RBFOX1: variants seen among roughly 807,000 people sequenced by gnomAD.
The protein encoded by RBFOX1 is RNA binding protein fox-1 homolog 1.
A neutral mutation model predicts 57.7 loss-of-function variants in RBFOX1; 8 were observed. That is an observed-to-expected ratio of 0.14 (90% CI 0.08 to 0.25). The LOEUF (loss-of-function observed/expected upper bound fraction) is 0.25. Among genes scored for constraint, RBFOX1 ranks in the 10% least tolerant of loss-of-function variants. RBFOX1 has a pLI of 1.00. For synonymous variants in RBFOX1, 326 were observed against 222.4 expected (o/e 1.47, Z -4.15); for missense variants, 611 against 548.5 (o/e 1.11, Z -1.14).
chr16:6,058,114 T>C (rs536528971), intron 1 of RBFOX1, among the ~76,000 whole-genome samples: 8 of 152,184 alleles, frequency 5.3e-5, no homozygotes, highest in African/African-American at 1.7e-4. Flanking sequence ...TTATTTGAAG[T>C]AGAGTTTTTG....
chr16:6,953,502 C>T (rs1468866818), intron 3 of RBFOX1, among the ~76,000 whole-genome samples: 1 of 152,110 alleles, frequency 6.6e-6, no homozygotes, highest in Non-Finnish European at 1.5e-5. Flanking sequence ...TCTTCTGCTT[C>T]AGCCTCCCGA....
chr16:6,886,723 C>G (rs28438042), intron 3 of RBFOX1, among the ~76,000 whole-genome samples: 6,070 of 151,086 alleles, frequency 0.04, 267 homozygotes, highest in East Asian at 0.2. Context: ...CCACCGCACT[C>G]CAGCGTGGGC....
intron 2 of RBFOX1, among the ~76,000 whole-genome samples, chr16:6,444,875 A>C (rs550652167): frequency 9.2e-5 from 14 of 152,134 alleles, no homozygotes; most frequent in African/African-American, 2.9e-4. Flanking sequence ...AGTCACACAC[A>C]GGTTTGAAGC....
intron 4 of RBFOX1, among the ~76,000 whole-genome samples, chr16:7,411,861 C>G (rs529604831): frequency 6.8e-6 from 1 of 147,472 alleles, no homozygotes; most frequent in East Asian, 2.0e-4. Context: ...CAAGATCATG[C>G]CATTGCATTC....
intron 4 of RBFOX1, among the ~76,000 whole-genome samples, chr16:6,001,200 T>C (rs1350846563): frequency 6.6e-6 from 1 of 152,242 alleles, no homozygotes; most frequent in Non-Finnish European, 1.5e-5. Context: ...TTGCACAGCA[T>C]GCTTTGCCAC....
At chr16:5,747,160 G>A (rs564305683) in intron 3 of RBFOX1, among the ~76,000 whole-genome samples, 4 of 152,172 alleles carry the variant, frequency 2.6e-5, no homozygotes, top group Non-Finnish European at 5.9e-5. Flanking sequence ...TTTGGTGTTT[G>A]GTTCTGTTAA....
At chr16:7,509,276 G>A (rs943418258) in intron 4 of RBFOX1, among the ~76,000 whole-genome samples, 1 of 152,158 alleles carries the variant, frequency 6.6e-6, no homozygotes, top group East Asian at 1.9e-4. Context: ...GAAGTCTGCT[G>A]CTGCACTTGA....
At chr16:7,006,797 C>G (rs1486882519) in intron 3 of RBFOX1, among the ~76,000 whole-genome samples, 2 of 152,150 alleles carry the variant, frequency 1.3e-5, no homozygotes, top group Non-Finnish European at 2.9e-5. Context: ...GAACACTTAG[C>G]AAAGTTAAGT....
intron 4 of RBFOX1, among the ~76,000 whole-genome samples, chr16:7,150,860 G>C (rs796894851): frequency 2.1e-4 from 32 of 152,296 alleles, no homozygotes; most frequent in African/African-American, 5.8e-4. Context: ...TGATGTGCCT[G>C]CTTACACCAC....
intron 4 of RBFOX1, among the ~76,000 whole-genome samples, chr16:7,494,157 T>G (rs112913544): frequency 0.012 from 1,761 of 152,270 alleles, 37 homozygotes; most frequent in African/African-American, 0.04. Flanking sequence ...TGGCCCCACT[T>G]TCTGATTTTT....
chr16:6,128,518 C>T (rs887600188), intron 1 of RBFOX1, among the ~76,000 whole-genome samples: 1 of 152,112 alleles, frequency 6.6e-6, no homozygotes, highest in South Asian at 2.1e-4. Context: ...GTCCAGGAGC[C>T]CTTTTCTGCT....
chr16:6,606,132 A>C (rs1057062677), intron 2 of RBFOX1, among the ~76,000 whole-genome samples: 2 of 152,058 alleles, frequency 1.3e-5, no homozygotes, highest in Non-Finnish European at 2.9e-5. Context: ...AAAGAAATAT[A>C]CATCTTATAA....
chr16:6,699,639 C>G (rs887913834), intron 3 of RBFOX1, among the ~76,000 whole-genome samples: 5 of 152,124 alleles, frequency 3.3e-5, no homozygotes, highest in African/African-American at 1.2e-4. Flanking sequence ...GGCATGAATA[C>G]TCATCTGTCA....
intron 4 of RBFOX1, among the ~76,000 whole-genome samples, chr16:7,110,004 T>G (rs2064366643): frequency 1.3e-5 from 2 of 152,078 alleles, no homozygotes; most frequent in South Asian, 4.2e-4. Flanking sequence ...CTGATTATCT[T>G]ACAGGGAGGA....
chr16:5,831,408 C>T lies in RBFOX1; in HGVS notation c.319-35895C>T, dbSNP rs527962292. 3.6e-4 allele frequency among the ~76,000 whole-genome samples: 55 copies of T among 152,144 alleles called. 1 individual carries two copies. The South Asian group carries it at 9.6e-3, about 26-fold the overall frequency. ...TTGAGTAAAAGCTCCCCTGGGCCTA[C>T]GCAGAAGCTAAGCAGATGTTTGTAT... On this transcript the variant is annotated intron_variant, in intron 3 of 19. Coordinates refer to the RBFOX1 transcript ENST00000641259.
At chr16:7,556,373 C>T (rs568587429) in intron 5 of RBFOX1, among the ~76,000 whole-genome samples, 34 of 152,294 alleles carry the variant, frequency 2.2e-4, no homozygotes, top group Non-Finnish European at 4.3e-4. Context: ...TAGCATTACT[C>T]ATCAAGTCAG....
At chr16:5,471,169 G>T (rs985340715) in intron 2 of RBFOX1, among the ~76,000 whole-genome samples, 2 of 151,800 alleles carry the variant, frequency 1.3e-5, no homozygotes, top group African/African-American at 2.4e-5. Context: ...TACAGTCTCG[G>T]CTTTCCCAGA....
intron 4 of RBFOX1, among the ~76,000 whole-genome samples, chr16:7,425,908 A>G (rs2098606088): frequency 2.0e-5 from 3 of 152,276 alleles, no homozygotes; most frequent in South Asian, 4.1e-4. Context: ...TTTTTTCCCC[A>G]TAAAGCCTCC....
chr16:6,676,789 C>T (rs2057789774), intron 3 of RBFOX1, among the ~76,000 whole-genome samples: 1 of 150,520 alleles, frequency 6.6e-6, no homozygotes. Flanking sequence ...ATTTCTCCTG[C>T]CTCAGCCTCC....
Sources: allele counts gnomAD v4.1 joint callset (sites outside exome capture counted in the v4.1 genomes callset), GRCh38; gene constraint gnomAD v4.1.1; transcripts MANE v1.5; gene names NCBI Gene and HGNC (gene_info 2026-07-23, HGNC 2026-07-21).